Variants in SIM2 observed in about 807,000 individuals in gnomAD.
The protein encoded by SIM2 is SIM bHLH transcription factor 2.
In SIM2, 28 loss-of-function variants were observed where a neutral mutation model predicts 64.8. That is an observed-to-expected ratio of 0.43 (90% confidence interval 0.32 to 0.59). The LOEUF is 0.59. Among genes scored for constraint, SIM2 ranks in the 20% least tolerant of loss-of-function variants. The pLI, the probability that SIM2 is intolerant of heterozygous loss-of-function variation, is 0.07. For synonymous variants in SIM2, 408 were observed against 391.1 expected (o/e 1.04, Z -0.51); for missense variants, 847 against 871.4 (o/e 0.97, Z 0.35).
rs75397463 is a variant in SIM2 at position 36,726,492 on chromosome 21, C to T, written c.743+174C>T. Reference sequence around the variant, plus strand: ...GAAAGAACATATGTCAGCCTTAGGACTCAAGGGCTTGTTTTACTTTATTTA... The same window carrying T: ...GAAAGAACATATGTCAGCCTTAGGATTCAAGGGCTTGTTTTACTTTATTTA... On this transcript the variant is annotated intron_variant, in intron 6 of 10. Transcript: ENST00000290399. This position sits in a 1 kb window ranked among gnomAD's most constrained non-coding sequence, Gnocchi z 4.5. Among the ~76,000 whole-genome samples the T allele has an allele frequency of 7.4e-4, 112 of 152,334 alleles. No individual in the cohort carries two copies. The highest frequency in any genetic ancestry group is 2.6e-3 in the African/African-American group (110 of 41,582).
At position 36,748,925 on chromosome 21, in the gene SIM2, G is replaced by A. The variant is rs972925836; in HGVS notation, c.*833G>A. On this transcript the variant is annotated 3_prime_UTR_variant, in exon 11 of 11. Coordinates refer to ENST00000290399, the MANE Select transcript of SIM2 (RefSeq NM_005069.6). Reference sequence around the variant, plus strand: ...TGGCAAAATCCCTCTGGCCCACACAGATCTGTAATTCACTAGGCTCGTGTT... The same window carrying A: ...TGGCAAAATCCCTCTGGCCCACACAAATCTGTAATTCACTAGGCTCGTGTT... 2 of 152,618 alleles carry A rather than the reference G, an allele frequency of 1.3e-5. No individual in the cohort carries two copies. Among genetic ancestry groups the A allele is most frequent in the East Asian group, 3.8e-4 (2 of 5,200 alleles). 9.5% of individuals were successfully genotyped at this position (152,618 alleles called of 1,614,324 possible). A position where few individuals can be genotyped will look rare whatever the true frequency, so the allele number is the denominator to read the frequency against.
chr21:36,738,254 C>T (rs994946454), intron 7 of SIM2, among the ~76,000 whole-genome samples: 4 of 152,010 alleles, frequency 2.6e-5, no homozygotes, highest in African/African-American at 9.7e-5. Context: ...CGCCTGTAAT[C>T]CCAGAACTTT....
chr21:36,721,263 A>C (rs2088819109), intron 4 of SIM2, among the ~76,000 whole-genome samples: 1 of 152,178 alleles, frequency 6.6e-6, no homozygotes, highest in Admixed American at 6.5e-5. Context: ...CATCAACATG[A>C]ATCATGGCTC....
At chr21:36,704,787 C>T (rs114225481) in intron 1 of SIM2, among the ~76,000 whole-genome samples, 3,014 of 152,362 alleles carry the variant, frequency 0.02, 100 homozygotes, top group African/African-American at 0.068. Flanking sequence ...TAGGAGCCTC[C>T]TTCCCTGCCC....
intron 4 of SIM2, among the ~76,000 whole-genome samples, chr21:36,722,089 C>A (rs1026235806): frequency 3.3e-5 from 5 of 152,170 alleles, no homozygotes; most frequent in Non-Finnish European, 7.4e-5. Flanking sequence ...TTATGATAAA[C>A]CTGTGAGAAA....
intron 7 of SIM2, among the ~76,000 whole-genome samples, chr21:36,736,387 G>A (rs34668077): frequency 6.6e-6 from 1 of 152,224 alleles, no homozygotes; most frequent in Admixed American, 6.5e-5. Flanking sequence ...TTGGAGGTAA[G>A]AGGTGGTGGT....
intron 1 of SIM2, among the ~76,000 whole-genome samples, chr21:36,707,029 G>T (rs142835700): frequency 6.6e-6 from 1 of 152,282 alleles, no homozygotes; most frequent in South Asian, 2.1e-4. Flanking sequence ...TTTCATTTCC[G>T]TAGGTGCAGA....
At chr21:36,733,256 G>A (rs578230385) in intron 7 of SIM2, among the ~76,000 whole-genome samples, 3 of 152,062 alleles carry the variant, frequency 2.0e-5, no homozygotes, top group African/African-American at 7.2e-5. Flanking sequence ...ATGGAGTCTC[G>A]CTCTGTTGCC....
chr21:36,747,666 G>C lies in SIM2; in HGVS notation c.1578G>C (p.Ala526=). ...CTAACGTGTCGCCTGTCCCCGCAGC[G>C]CCCGCCGCCGCCGTGCGCAGGTTCG... is the stretch of plus-strand genomic sequence containing the variant. ...ARHSLVPSYE[A]PAAAVRRFGE... Residue 526 remains alanine (A), a splice_region_variant and synonymous_variant, in exon 11 of 11, where the codon GCG becomes GCC. Transcript: ENST00000290399. The surrounding 1 kb of genome is among the most constrained non-coding windows in gnomAD (Gnocchi z 4.5). 2 of 1,251,470 alleles carry C rather than the reference G, an allele frequency of 1.6e-6. No individual in the cohort carries two copies. Among genetic ancestry groups the C allele is most frequent in the Non-Finnish European group, 2.0e-6 (2 of 998,384 alleles). The allele number at this position is 1,251,470 out of a possible 1,614,324, so 77.5% of individuals were successfully genotyped here.
intron 1 of SIM2, among the ~76,000 whole-genome samples, chr21:36,705,474 G>A (rs2088567674): frequency 6.6e-6 from 1 of 152,230 alleles, no homozygotes; most frequent in Non-Finnish European, 1.5e-5. Flanking sequence ...AGGCAGGGAA[G>A]GGGTGGGAAA....
intron 4 of SIM2, chr21:36,720,276 C>G: frequency 4.4e-6 from 1 of 227,586 alleles, no homozygotes; most frequent in Non-Finnish European, 8.7e-6. Flanking sequence ...AACCAAGATG[C>G]CGTGCCTAAA....
rs2089292343 is a variant in SIM2, at chr21:36,749,322, CA to C, written c.*1234del. 6.6e-6 allele frequency: 1 copy of C among 152,648 alleles called. No homozygotes were observed. Among genetic ancestry groups the C allele is most frequent in the Admixed American group, 6.5e-5 (1 of 15,300 alleles). The allele number at this position is 152,648 out of a possible 1,614,324, so 9.5% of individuals were successfully genotyped here. A position where few individuals can be genotyped will look rare whatever the true frequency, so the allele number is the denominator to read the frequency against. On this transcript the variant is annotated 3_prime_UTR_variant, in exon 11 of 11. Transcript: ENST00000290399. Reference sequence around the variant, plus strand: ...ACACTGCAGCATTTTGCTGCTTTATCAAAATGGTTTATTTTAGGAAACTTTT... The same window carrying C: ...ACACTGCAGCATTTTGCTGCTTTATCAAATGGTTTATTTTAGGAAACTTTT...
At chr21:36,736,731 T>TTC (rs1555876848) in intron 7 of SIM2, among the ~76,000 whole-genome samples, 5 of 144,386 alleles carry the variant, frequency 3.5e-5, no homozygotes, top group South Asian at 2.2e-4. Flanking sequence ...CTTCCTTCCC[T>TTC]CCTTCCCTTC....
Position 36,744,738 on chromosome 21 carries a change from C to A in SIM2, c.1178C>A (p.Ser393Ter). The A allele has an allele frequency of 6.2e-7, 1 of 1,602,278 alleles. No individual in the cohort carries two copies. The highest frequency in any genetic ancestry group is 8.5e-7 in the Non-Finnish European group (1 of 1,174,146). The change falls in exon 10 of 11, where the codon TCG (serine) becomes TAG (stop). Residue 393 changes from serine (S) to a stop codon, truncating the protein, a stop_gained. Transcript: ENST00000290399. LOFTEE classifies it high-confidence loss of function. ...TTCTTTGCCATGCAGCAATACAGCTCGTTCCAAATGGACAAACTGGAATGC... is the reference window on the plus strand; with the variant it reads ...TTCTTTGCCATGCAGCAATACAGCTAGTTCCAAATGGACAAACTGGAATGC... ...TNPYPPQQYS[S>*]FQMDKLECGQ...
rs563789448 is a variant in SIM2 at position 36,715,284 on chromosome 21, A to ATT, written c.348+2668_348+2669dup. Among the ~76,000 whole-genome samples, 203 of 152,244 alleles carry ATT rather than the reference A, an allele frequency of 1.3e-3. 1 individual carries two copies. The highest frequency in any genetic ancestry group is 4.5e-3 in the African/African-American group (189 of 41,540). On this transcript the variant is annotated intron_variant, in intron 3 of 10. Transcript: ENST00000290399. Reference sequence around the variant, plus strand: ...AAATCTAGGCAGAATCACAATGTGTATTTTTTTCTGTCTTCTTTACTTAAA... The same window carrying ATT: ...AAATCTAGGCAGAATCACAATGTGTATTTTTTTTTCTGTCTTCTTTACTTAAA...
At chr21:36,715,114 A>G (rs188326041) in intron 3 of SIM2, among the ~76,000 whole-genome samples, 1 of 152,216 alleles carries the variant, frequency 6.6e-6, no homozygotes, top group South Asian at 2.1e-4. Flanking sequence ...GGGCTGTGTT[A>G]GCATCAGTTC....
chr21:36,728,730 T>G (rs1373444320), intron 6 of SIM2, among the ~76,000 whole-genome samples: 1 of 152,160 alleles, frequency 6.6e-6, no homozygotes, highest in Non-Finnish European at 1.5e-5. Context: ...GGCCCAGCCC[T>G]GGGAGGACAG....
intron 3 of SIM2, among the ~76,000 whole-genome samples, chr21:36,715,650 T>C (rs997974904): frequency 2.0e-5 from 3 of 152,246 alleles, no homozygotes; most frequent in Non-Finnish European, 4.4e-5. Context: ...TGTTAAACTT[T>C]ATGTTAAAAG....
chr21:36,725,639 T>C (rs369823850), intron 5 of SIM2, among the ~76,000 whole-genome samples: 7 of 152,198 alleles, frequency 4.6e-5, no homozygotes, highest in African/African-American at 1.7e-4. Flanking sequence ...TTTTTTGTTG[T>C]CTTGTGAGTT....
Sources: gnomAD v4.1 joint callset for allele counts (sites outside exome capture counted in the v4.1 genomes callset) on GRCh38, gnomAD v4.1.1 for gene constraint, Gnocchi (gnomAD v3.1) non-coding constraint, MANE v1.5 for transcripts, NCBI Gene and HGNC (gene_info 2026-07-23, HGNC 2026-07-21) for gene names.